DDX11: variants seen among roughly 807,000 people sequenced by gnomAD.
DDX11 encodes the protein ATP-dependent DNA helicase DDX11.
DDX11 carries 72 observed loss-of-function variants against 125.2 expected under a neutral mutation model. That is an observed-to-expected ratio of 0.58 (90% CI 0.48 to 0.70). DDX11 has a LOEUF of 0.70. DDX11 is among the 30% of genes least tolerant of loss of function. DDX11 has a pLI of 0.00. For missense variants in DDX11, 883 were observed against 1,165.0 expected (o/e 0.76, Z 3.52); for synonymous variants, 347 against 452.6 (o/e 0.77, Z 2.96).
chr12:31,094,483 T>C (rs1944862614), intron 12 of DDX11, 107 bp from the exon 13 acceptor site: 1 of 1,531,662 alleles, frequency 6.5e-7, no homozygotes, highest in Admixed American at 2.0e-5. Flanking sequence ...GCCATTTAAA[T>C]ACAGATGCTC....
At chr12:31,086,000 C>A (rs1319709621) in intron 5 of DDX11, 3 of 453,120 alleles carry the variant, frequency 6.6e-6, no homozygotes, top group South Asian at 4.7e-5. Flanking sequence ...AAGGTTCATC[C>A]CCGGCCTTCA....
chr12:31,093,008 A>T, intron 11 of DDX11, 116 bp downstream of exon 11: 1 of 1,236,562 alleles, frequency 8.1e-7, no homozygotes, highest in South Asian at 1.2e-5. Flanking sequence ...GGCGGGGTGG[A>T]GCTGCATGCC....
At chr12:31,074,984 A>C (rs2553175) in intron 1 of DDX11, among the ~76,000 whole-genome samples, 1 of 152,246 alleles carries the variant, frequency 6.6e-6, no homozygotes, top group Non-Finnish European at 1.5e-5. Context: ...GTCTGTACTC[A>C]GTAATGAGTG....
rs1185030411 is a variant in DDX11, at chr12:31,098,495, T to C, written c.1875+498T>C. Among the ~76,000 whole-genome samples, 3 of 152,278 alleles carry C rather than the reference T, an allele frequency of 2.0e-5. No homozygotes were observed. The East Asian group carries it at 5.8e-4, about 29-fold the overall frequency. ...CATGCACGTATTTCAGTATCCCAGC[T>C]GTGCTGGATTCCAGTTACACAGATA... On this transcript the variant is annotated intron_variant, in intron 18 of 26. Transcript: ENST00000542838.
rs141443776 is a variant in DDX11, at chr12:31,102,293, A to T, written c.2253A>T (p.Ala751=). The change falls in exon 22 of 27, where the codon GCA becomes GCT. Residue 751 remains alanine, a synonymous_variant. Coordinates refer to ENST00000542838, the MANE Select transcript of DDX11 (RefSeq NM_030653.4). ...SAHQVEQVLL[A]YSRCIQACGQ... is the part of the protein sequence containing the mutation. Reference sequence around the variant, plus strand: ...ACCAGGTGGAGCAGGTGCTGCTGGCATATTCCAGGTGCATCCAGGTGCGGG... The same window carrying T: ...ACCAGGTGGAGCAGGTGCTGCTGGCTTATTCCAGGTGCATCCAGGTGCGGG... 9.9e-6 allele frequency: 16 copies of T among 1,612,642 alleles called. No individual in the cohort carries two copies. Among genetic ancestry groups the T allele is most frequent in the Non-Finnish European group, 1.3e-5 (15 of 1,179,094 alleles).
chr12:31,081,425 C>A (rs1941906440), intron 2 of DDX11, among the ~76,000 whole-genome samples: 1 of 152,168 alleles, frequency 6.6e-6, no homozygotes, highest in African/African-American at 2.4e-5. Flanking sequence ...GCTGTTTATC[C>A]TTGATAGTCA....
At position 31,104,027 on chromosome 12, in the gene DDX11, T is replaced by G. The variant is rs1203942698; in HGVS notation, c.*191T>G. 6 of 1,552,022 alleles carry G rather than the reference T, an allele frequency of 3.9e-6. No homozygotes were observed. Among genetic ancestry groups the G allele is most frequent in the Non-Finnish European group, 5.2e-6 (6 of 1,147,472 alleles). On this transcript the variant is annotated 3_prime_UTR_variant, in exon 27 of 27. Transcript: ENST00000542838. ...CCCGTAGGAGAAAATGGGGGAATCCTGAATGAACAGTGGGTCCTGGCTGTC... is the reference window on the plus strand; with the variant it reads ...CCCGTAGGAGAAAATGGGGGAATCCGGAATGAACAGTGGGTCCTGGCTGTC...
intron 1 of DDX11, among the ~76,000 whole-genome samples, chr12:31,077,638 GA>G (rs1006366982): frequency 5.9e-5 from 9 of 152,024 alleles, no homozygotes; most frequent in Non-Finnish European, 1.3e-4. Flanking sequence ...ACGAGGTCAG[GA>G]GATCGAGACC....
rs2141073597 is a variant in DDX11, at chr12:31,104,368, G to A, written c.*532G>A. The A allele has an allele frequency of 3.1e-6, 1 of 321,196 alleles. No individual in the cohort carries two copies. 19.9% of individuals were successfully genotyped at this position (321,196 alleles called of 1,614,324 possible). On this transcript the variant is annotated 3_prime_UTR_variant, in exon 27 of 27. Transcript: ENST00000542838. ...TCCTCCTTCCTGAGTCACTCCTTCAGTAGAAGGCCCTGCTCCCTATCCTGT... is the reference window on the plus strand; with the variant it reads ...TCCTCCTTCCTGAGTCACTCCTTCAATAGAAGGCCCTGCTCCCTATCCTGT...
Position 31,101,021 on chromosome 12 carries a change from T to TA in DDX11, c.1949-5dup. On this transcript the variant is annotated splice_region_variant and splice_polypyrimidine_tract_variant and intron_variant, in intron 19 of 26. Coordinates refer to ENST00000542838, the MANE Select transcript of DDX11 (RefSeq NM_030653.4). ...CAGTTTTCGGCCCCTCCCTGGCTCT[T>TA]ACCAGGTCACGTGATCCCTCCAGAC... is the stretch of plus-strand genomic sequence containing the variant. The TA allele has an allele frequency of 6.2e-7, 1 of 1,612,624 alleles. No homozygotes were observed. Among genetic ancestry groups the TA allele is most frequent in the Non-Finnish European group, 8.5e-7 (1 of 1,178,610 alleles).
chr12:31,075,551 G>A (rs1246037242), intron 1 of DDX11, among the ~76,000 whole-genome samples: 3 of 151,812 alleles, frequency 2.0e-5, no homozygotes, highest in Non-Finnish European at 4.4e-5. Flanking sequence ...ACCACACAGG[G>A]TTTTTGTGGG....
Position 31,091,705 on chromosome 12 carries a change from A to G in DDX11, c.1090-14A>G, listed in dbSNP as rs1392428633. On this transcript the variant is annotated splice_polypyrimidine_tract_variant and intron_variant, in intron 9 of 26. Coordinates refer to ENST00000542838, the MANE Select transcript of DDX11 (RefSeq NM_030653.4). ...AGCCCCGCCCTGCTCAGGTGGCCTC[A>G]TCTCCCCTCCCAGCTGGTGGTGCTG... is the stretch of plus-strand genomic sequence containing the variant. 17 of 1,601,270 alleles carry G rather than the reference A, an allele frequency of 1.1e-5. No individual in the cohort carries two copies. The East Asian group carries it at 3.9e-4, about 37-fold the overall frequency.
chr12:31,095,960 C>G (rs1432549040), intron 14 of DDX11, among the ~76,000 whole-genome samples: 1 of 152,180 alleles, frequency 6.6e-6, no homozygotes, highest in Non-Finnish European at 1.5e-5. Flanking sequence ...TGGCACTGCC[C>G]CAGCCCCTGA....
At chr12:31,074,934 A>G (rs2970768) in intron 1 of DDX11, among the ~76,000 whole-genome samples, 1 of 151,098 alleles carries the variant, frequency 6.6e-6, no homozygotes. Flanking sequence ...GGGATGTCCA[A>G]GATCAATGTG....
chr12:31,086,210 C>G (rs1055068779), intron 5 of DDX11: 9 of 441,402 alleles, frequency 2.0e-5, no homozygotes, highest in Admixed American at 1.9e-4. Flanking sequence ...AGGCCTGGCT[C>G]AGGTGTCGTC....
intron 12 of DDX11, among the ~76,000 whole-genome samples, chr12:31,094,063 G>C (rs947405035): frequency 6.6e-6 from 1 of 151,996 alleles, no homozygotes; most frequent in Admixed American, 6.6e-5. Flanking sequence ...CTCCCAGCAC[G>C]GGAGCCTGGG....
intron 2 of DDX11, 100 bp downstream of exon 2, chr12:31,078,637 G>T: frequency 1.9e-6 from 3 of 1,567,620 alleles, no homozygotes; most frequent in Non-Finnish European, 2.6e-6. Context: ...GTTTGAAGTT[G>T]GGCAGAGTAG....
intron 18 of DDX11, among the ~76,000 whole-genome samples, chr12:31,099,080 CTTTCTT>C (rs1345510727): frequency 2.3e-4 from 19 of 81,324 alleles, no homozygotes; most frequent in East Asian, 8.5e-4. Context: ...TTCTTTCTTT[CTTTCTT>C]TTTTTTTTTT....
chr12:31,103,059 A>T, intron 24 of DDX11, 39 bp downstream of exon 24: 1 of 1,606,892 alleles, frequency 6.2e-7, no homozygotes, highest in Non-Finnish European at 8.5e-7. Flanking sequence ...ACAGGAGAGT[A>T]GGCAGTGGGT....
Sources: allele counts gnomAD v4.1 joint callset (sites outside exome capture counted in the v4.1 genomes callset), GRCh38; gene constraint gnomAD v4.1.1; transcripts MANE v1.5; gene names NCBI Gene and HGNC (gene_info 2026-07-23, HGNC 2026-07-21).